The following NARS2 variants were observed in gnomAD, a reference collection of about 807,000 sequenced individuals.
The protein encoded by NARS2 is asparaginyl-tRNA synthetase.
A neutral mutation model predicts 62.9 loss-of-function variants in NARS2; 60 were observed. The ratio of observed to expected loss-of-function variants is 0.95; its 90% confidence interval spans 0.77 to 1.18. NARS2 has a LOEUF of 1.18. Ranked by LOEUF, NARS2 falls within the 50% of genes most tolerant of loss-of-function variation. The probability of loss-of-function intolerance (pLI) is 0.00; values close to 1 mark genes in which losing one functional copy is unlikely to be tolerated. For missense variants in NARS2, 619 were observed against 576.4 expected (o/e 1.07, Z -0.76); for synonymous variants, 196 against 200.0 (o/e 0.98, Z 0.17).
At position 78,574,663 on chromosome 11, in the gene NARS2, A is replaced by C; in HGVS notation, c.-175T>G. The stretch of plus-strand genomic sequence containing the variant: ...CTTCAGGACTCCCAGCTCTGTCCCC[A>C]CAGAACCTCTCCGCTTCCCACTTCC... On this transcript the variant is annotated 5_prime_UTR_variant, in exon 1 of 14. Coordinates refer to ENST00000281038, the MANE Select transcript of NARS2 (RefSeq NM_024678.6). The C allele has an allele frequency of 1.5e-6, 1 of 656,474 alleles. No individual in the cohort carries two copies. Among genetic ancestry groups the C allele is most frequent in the South Asian group, 2.0e-5 (1 of 49,562 alleles). 40.7% of individuals were successfully genotyped at this position (656,474 alleles called of 1,614,324 possible). A position where few individuals can be genotyped will look rare whatever the true frequency, so the allele number is the denominator to read the frequency against.
At position 78,553,085 on chromosome 11, in the gene NARS2, AG is replaced by A. The variant is rs564313274; in HGVS notation, c.594+6453del. ...TTTATACTCCCTCCAACAGCATATA[AG>A]GGTTTCCCTTTTCTCTGTAACCTGG... is the stretch of plus-strand genomic sequence containing the variant. On this transcript the variant is annotated intron_variant, in intron 5 of 13. Transcript: ENST00000281038. Among the ~76,000 whole-genome samples the A allele has an allele frequency of 3.5e-3, 536 of 152,246 alleles. 2 individuals carry two copies. The highest frequency in any genetic ancestry group is 0.012 in the African/African-American group (514 of 41,562).
intron 5 of NARS2, among the ~76,000 whole-genome samples, chr11:78,532,332 C>T (rs1258970740): frequency 6.6e-6 from 1 of 152,042 alleles, no homozygotes; most frequent in African/African-American, 2.4e-5. Context: ...GCAAAGTTAA[C>T]AGACAAATGA....
intron 6 of NARS2, among the ~76,000 whole-genome samples, chr11:78,500,253 T>A (rs1241724143): frequency 6.6e-6 from 1 of 152,182 alleles, no homozygotes; most frequent in East Asian, 1.9e-4. Context: ...CTCCTCCACT[T>A]ATGAACAAAC....
chr11:78,459,363 C>T (rs190151855), intron 11 of NARS2, among the ~76,000 whole-genome samples: 4 of 150,716 alleles, frequency 2.7e-5, no homozygotes, highest in East Asian at 1.9e-4. Flanking sequence ...CTCTGCCTCT[C>T]GGGTTCAAGC....
chr11:78,475,091 G>A lies in NARS2; in HGVS notation c.959+3347C>T, dbSNP rs111360990. 2.5e-3 allele frequency among the ~76,000 whole-genome samples: 380 copies of A among 151,716 alleles called. 1 individual carries two copies. Among genetic ancestry groups the A allele is most frequent in the African/African-American group, 8.3e-3 (342 of 41,218 alleles). On this transcript the variant is annotated intron_variant, in intron 9 of 13. Coordinates refer to ENST00000281038, the MANE Select transcript of NARS2 (RefSeq NM_024678.6). ...CCATTCCCTTCAAGAACCCCTCACC[G>A]GCCACTGGTAACTACCATTCTACTC...
intron 6 of NARS2, among the ~76,000 whole-genome samples, chr11:78,523,641 G>T (rs1861203917): frequency 6.6e-6 from 1 of 152,188 alleles, no homozygotes; most frequent in Non-Finnish European, 1.5e-5. Context: ...AAAAAGGAAT[G>T]AAGTACTGAT....
chr11:78,482,017 T>C (rs1591183841), intron 7 of NARS2, among the ~76,000 whole-genome samples: 1 of 152,172 alleles, frequency 6.6e-6, no homozygotes, highest in South Asian at 2.1e-4. Flanking sequence ...TAAGTGTCAA[T>C]TTATTATTAG....
chr11:78,457,513 G>C (rs1470545591), intron 11 of NARS2, among the ~76,000 whole-genome samples: 2 of 152,164 alleles, frequency 1.3e-5, no homozygotes, highest in African/African-American at 4.8e-5. Flanking sequence ...GGATTGAAAA[G>C]AAATGTACAC....
intron 9 of NARS2, among the ~76,000 whole-genome samples, chr11:78,473,058 C>T (rs1340901776): frequency 6.6e-6 from 1 of 152,102 alleles, no homozygotes; most frequent in Non-Finnish European, 1.5e-5. Context: ...CTCAGTTACT[C>T]GGGAGGCTGA....
intron 11 of NARS2, among the ~76,000 whole-genome samples, chr11:78,449,254 G>C (rs771347322): frequency 1.3e-5 from 2 of 148,768 alleles, no homozygotes; most frequent in Non-Finnish European, 3.0e-5. Context: ...TCCTGCCTCA[G>C]CCTCCCGAGT....
rs1856984909 is a variant in NARS2, at chr11:78,572,956, A to T, written c.141+1392T>A. Among the ~76,000 whole-genome samples the T allele has an allele frequency of 2.6e-5, 4 of 152,324 alleles. No individual in the cohort carries two copies. The South Asian group carries it at 8.3e-4, about 32-fold the overall frequency. On this transcript the variant is annotated intron_variant, in intron 1 of 13. Transcript: ENST00000281038. ...TCAGAGCCAAAAGTGGCTGGTAGCT[A>T]CCATATCAGACCTCACAGGACTAAA...
intron 13 of NARS2, among the ~76,000 whole-genome samples, chr11:78,437,134 C>T (rs1429408779): frequency 3.3e-5 from 5 of 152,194 alleles, no homozygotes. Context: ...TATAGATTTA[C>T]TAATTTTCTT....
At chr11:78,488,914 G>C (rs1250543563) in intron 7 of NARS2, among the ~76,000 whole-genome samples, 1 of 152,006 alleles carries the variant, frequency 6.6e-6, no homozygotes, top group Non-Finnish European at 1.5e-5. Flanking sequence ...AGAAAGGAAA[G>C]GGGAAAGAGA....
intron 6 of NARS2, among the ~76,000 whole-genome samples, chr11:78,503,211 G>T (rs576736410): frequency 6.6e-6 from 1 of 152,218 alleles, no homozygotes; most frequent in African/African-American, 2.4e-5. Context: ...CTGTACTGCT[G>T]CAAGTGTGCA....
chr11:78,507,660 C>T (rs1386523852), intron 6 of NARS2, among the ~76,000 whole-genome samples: 1 of 151,944 alleles, frequency 6.6e-6, no homozygotes. Context: ...GCTGGGACTA[C>T]AGGCGCCTGA....
intron 5 of NARS2, among the ~76,000 whole-genome samples, chr11:78,543,844 G>A (rs1016581233): frequency 3.3e-5 from 5 of 151,716 alleles, no homozygotes; most frequent in Non-Finnish European, 7.4e-5. Context: ...CATCCTGGCC[G>A]ACATGGTGAA....
chr11:78,436,342 A>T lies in NARS2; in HGVS notation c.*328T>A. Reference sequence around the variant, plus strand: ...ACAGGGAGTGATTTAATGATTATAGACAACGTAAAATACATTATCTCATTC... The same window carrying T: ...ACAGGGAGTGATTTAATGATTATAGTCAACGTAAAATACATTATCTCATTC... On this transcript the variant is annotated 3_prime_UTR_variant, in exon 14 of 14. Transcript: ENST00000281038. 4.9e-6 allele frequency: 1 copy of T among 204,282 alleles called. No individual in the cohort carries two copies. The highest frequency in any genetic ancestry group is 1.9e-3 in the Middle Eastern group (1 of 534). The allele number at this position is 204,282 out of a possible 1,614,324, so 12.7% of individuals were successfully genotyped here. A position where few individuals can be genotyped will look rare whatever the true frequency, so the allele number is the denominator to read the frequency against.
In NARS2 at chr11:78,544,726, G is replaced by A. The variant is rs189713893; in HGVS notation, c.594+14813C>T. Among the ~76,000 whole-genome samples the A allele has an allele frequency of 2.6e-3, 389 of 150,254 alleles. 1 individual carries two copies. Among genetic ancestry groups the A allele is most frequent in the African/African-American group, 9.0e-3 (368 of 40,696 alleles). ...GGAGAACGGCGTGAACCTGGGAGAC[G>A]GAGTTTGCAGTAAGCCAAGATCGTG... On this transcript the variant is annotated intron_variant, in intron 5 of 13. Coordinates refer to ENST00000281038, the MANE Select transcript of NARS2 (RefSeq NM_024678.6).
chr11:78,510,801 T>C (rs1860694132), intron 6 of NARS2, among the ~76,000 whole-genome samples: 1 of 152,196 alleles, frequency 6.6e-6, no homozygotes, highest in Admixed American at 6.5e-5. Context: ...ATTAACAAAT[T>C]TGATGGTATA....
Sources: allele counts gnomAD v4.1 joint callset (sites outside exome capture counted in the v4.1 genomes callset), GRCh38; gene constraint gnomAD v4.1.1; transcripts MANE v1.5; gene names NCBI Gene and HGNC (gene_info 2026-07-23, HGNC 2026-07-21).